Variants in TNRC18 observed in about 807,000 individuals in gnomAD.
TNRC18 encodes the protein trinucleotide repeat-containing gene 18 protein.
Under a neutral mutation model 226.7 loss-of-function variants are expected in TNRC18, and 69 were observed. The ratio of observed to expected loss-of-function variants is 0.30; its 90% CI spans 0.25 to 0.37. TNRC18 has a LOEUF of 0.37. TNRC18 is among the 10% of genes least tolerant of loss of function. The pLI is 1.00. For synonymous variants in TNRC18, 2,449 were observed against 1,927.6 expected, an observed-to-expected ratio of 1.27 and a Z score of -7.09; for missense variants, 4,754 against 4,256.6, an observed-to-expected ratio of 1.12 and a Z score of -3.25.
intron 11 of TNRC18, among the ~76,000 whole-genome samples, chr7:5,363,590 G>C (rs763960926): frequency 2.6e-5 from 4 of 151,854 alleles, no homozygotes; most frequent in African/African-American, 4.8e-5. Context: ...GGTGACAGAG[G>C]GAGACTCCAT....
chr7:5,374,697 G>T (rs145356649), intron 9 of TNRC18, among the ~76,000 whole-genome samples: 1,782 of 152,334 alleles, frequency 0.012, 34 homozygotes, highest in African/African-American at 0.041. Context: ...AACCCCAAAA[G>T]GCAGCGCTGG....
chr7:5,348,817 T>C (rs1359061468), intron 17 of TNRC18, among the ~76,000 whole-genome samples: 9 of 152,172 alleles, frequency 5.9e-5, no homozygotes, highest in Non-Finnish European at 1.2e-4. Context: ...ATCATTCACA[T>C]TGCAGGCGTC....
chr7:5,411,130 C>A (rs1206666891), intron 2 of TNRC18, among the ~76,000 whole-genome samples: 1 of 148,852 alleles, frequency 6.7e-6, no homozygotes, highest in Non-Finnish European at 1.5e-5. Context: ...GCAGAAGAAT[C>A]GCTTGAACCC....
chr7:5,356,823 TGAGGGGC>T, intron 16 of TNRC18, 86 bp downstream of exon 16: 3 of 1,261,186 alleles, frequency 2.4e-6, no homozygotes, highest in Non-Finnish European at 3.0e-6. Context: ...AGAGAGAGAG[TGAGGGGC>T]GGGGGGGGAA....
chr7:5,400,415 G>C (rs1337679003), intron 2 of TNRC18, among the ~76,000 whole-genome samples: 1 of 151,956 alleles, frequency 6.6e-6, no homozygotes, highest in East Asian at 1.9e-4. Flanking sequence ...TTCTAGACCA[G>C]CCTGACCAAC....
intron 14 of TNRC18, among the ~76,000 whole-genome samples, chr7:5,360,947 C>A (rs560051317): frequency 1.3e-5 from 2 of 152,182 alleles, no homozygotes; most frequent in Non-Finnish European, 2.9e-5. Context: ...ACCCTCCTGC[C>A]CCAGGCTCCC....
At chr7:5,336,089 T>C (rs979636592) in intron 18 of TNRC18, among the ~76,000 whole-genome samples, 3 of 151,708 alleles carry the variant, frequency 2.0e-5, no homozygotes, top group Non-Finnish European at 4.4e-5. Context: ...CATCTGTAAT[T>C]CCAGCTACTT....
chr7:5,392,047 G>C (rs1199780971), intron 3 of TNRC18, among the ~76,000 whole-genome samples: 1 of 151,758 alleles, frequency 6.6e-6, no homozygotes, highest in African/African-American at 2.4e-5. Context: ...AGGGATGCAG[G>C]ACCTGTCCCT....
At chr7:5,363,542 T>G (rs1443904216) in intron 11 of TNRC18, among the ~76,000 whole-genome samples, 1 of 152,080 alleles carries the variant, frequency 6.6e-6, no homozygotes, top group East Asian at 1.9e-4. Flanking sequence ...AGGCGGAGCT[T>G]GCAGTAAGCC....
intron 1 of TNRC18, among the ~76,000 whole-genome samples, chr7:5,422,195 A>G (rs573907657): frequency 8.0e-4 from 121 of 152,164 alleles, no homozygotes; most frequent in Non-Finnish European, 1.1e-3. Context: ...GAATCCTACA[A>G]AACAAGCTTT....
chr7:5,388,519 C>T lies in TNRC18; in HGVS notation c.1305G>A (p.Ser435=), dbSNP rs1779998243. Reference sequence around the variant, plus strand: ...CATCCGCGGGGGGCGGCCGCTTGAGCGAGCGGATGACCGAGTTCTTCTCGC... The same window carrying T: ...CATCCGCGGGGGGCGGCCGCTTGAGTGAGCGGATGACCGAGTTCTTCTCGC... The part of the protein sequence containing the change: ...GLREKNSVIR[S]LKRPPPADAP... The change falls in exon 5 of 30, where the codon TCG becomes TCA. Residue 435 remains serine (S), a synonymous_variant. Coordinates refer to ENST00000430969, the MANE Select transcript of TNRC18 (RefSeq NM_001080495.3). 2 of 1,323,584 alleles carry T rather than the reference C, an allele frequency of 1.5e-6. No individual in the cohort carries two copies. Among genetic ancestry groups the T allele is most frequent in the Non-Finnish European group, 1.9e-6 (2 of 1,041,348 alleles). The allele number at this position is 1,323,584 out of a possible 1,614,324, so 82.0% of individuals were successfully genotyped here.
intron 5 of TNRC18, among the ~76,000 whole-genome samples, chr7:5,384,392 T>C (rs901484861): frequency 6.6e-6 from 1 of 152,128 alleles, no homozygotes; most frequent in Non-Finnish European, 1.5e-5. Context: ...TGAGCCACCA[T>C]ACCCAGCCCC....
Position 5,308,276 on chromosome 7 carries a change from C to T in TNRC18, c.8737G>A (p.Asp2913Asn). 1 of 1,613,030 alleles carries T rather than the reference C, an allele frequency of 6.2e-7. No individual in the cohort carries two copies. Among genetic ancestry groups the T allele is most frequent in the Non-Finnish European group, 8.5e-7 (1 of 1,179,498 alleles). ...LYQSSHVDENDVQTVSHKCLV... is the reference protein window; with the variant it reads ...LYQSSHVDENNVQTVSHKCLV... ...CACTTGTGCGACACCGTCTGCACGT[C>T]ATTTTCGTCCACATGCGAGGACTGG... Residue 2913 changes from aspartate to asparagine, a missense_variant, in exon 30 of 30, where the codon GAC (aspartate) becomes AAC (asparagine). Asp to Asn is a conservative substitution (Grantham distance 23). Transcript: ENST00000430969.
At chr7:5,417,609 C>T (rs989278685) in intron 2 of TNRC18, among the ~76,000 whole-genome samples, 2 of 152,182 alleles carry the variant, frequency 1.3e-5, no homozygotes, top group African/African-American at 2.4e-5. Context: ...TCCTGGGACC[C>T]GAGCGGTGCC....
At chr7:5,366,958 C>T (rs903800010) in intron 11 of TNRC18, among the ~76,000 whole-genome samples, 1 of 152,164 alleles carries the variant, frequency 6.6e-6, no homozygotes, top group African/African-American at 2.4e-5. Flanking sequence ...AGAATCCTAA[C>T]CCCTAGTAAC....
Position 5,357,628 on chromosome 7 carries a change from G to C in TNRC18, c.4834-352C>G, listed in dbSNP as rs563551465. Among the ~76,000 whole-genome samples the C allele has an allele frequency of 3.9e-5, 6 of 152,190 alleles. No homozygotes were observed. In the East Asian group the frequency reaches 5.8e-4, roughly 15 times the overall value. ...TTTTCTGGTAGCTGGGAATACAGGC[G>C]TGCGCCACCACTCCTGGCTAATTTT... On this transcript the variant is annotated intron_variant, in intron 15 of 29. Coordinates refer to ENST00000430969, the MANE Select transcript of TNRC18 (RefSeq NM_001080495.3).
chr7:5,388,013 G>A lies in TNRC18; in HGVS notation c.1811C>T (p.Pro604Leu). Residue 604 changes from proline to leucine, a missense_variant, in exon 5 of 30, where the codon CCT becomes CTT. Physicochemically the swap from Pro to Leu is moderately conservative, Grantham distance 98 (BLOSUM62 -3). Transcript: ENST00000430969. Reference sequence around the variant, plus strand: ...GGGGCTCTTCTTGCCACAGCCACCAGGGCGCACGGCCACGGCGTCCCGGGC... The same window carrying A: ...GGGGCTCTTCTTGCCACAGCCACCAAGGCGCACGGCCACGGCGTCCCGGGC... ...SFARDAVAVR[P>L]GGCGKKSPFG... 4 of 1,579,776 alleles carry A rather than the reference G, an allele frequency of 2.5e-6. No homozygotes were observed. The highest frequency in any genetic ancestry group is 3.4e-6 in the Non-Finnish European group (4 of 1,164,000).
At chr7:5,417,926 C>T (rs187976744) in intron 2 of TNRC18, among the ~76,000 whole-genome samples, 19 of 152,314 alleles carry the variant, frequency 1.2e-4, no homozygotes, top group African/African-American at 4.6e-4. Context: ...CTGGAGAAGG[C>T]CCGTGGCCCC....
chr7:5,374,097 A>G lies in TNRC18; in HGVS notation c.3187T>C (p.Leu1063=). 6.3e-7 allele frequency: 1 copy of G among 1,576,712 alleles called. No individual in the cohort carries two copies. The highest frequency in any genetic ancestry group is 1.1e-5 in the South Asian group (1 of 87,584). The change falls in exon 10 of 30, where the codon TTG becomes CTG. Residue 1063 remains leucine (L), a synonymous_variant. Transcript: ENST00000430969. ...ENVVEKKDLE[L]EKEAPSPFQA... ...AAGGGGCTGGGGGCTTCCTTCTCCA[A>G]CTCCAAGTCTTTCTTCTCGACCACA...
Sources: allele counts gnomAD v4.1 joint callset (sites outside exome capture counted in the v4.1 genomes callset), GRCh38; gene constraint gnomAD v4.1.1; transcripts MANE v1.5; gene names NCBI Gene and HGNC (gene_info 2026-07-23, HGNC 2026-07-21).